The following SDK1 variants were observed in gnomAD, a reference collection of about 807,000 sequenced individuals.
SDK1 encodes sidekick cell adhesion molecule 1, also known as protein sidekick-1.
A neutral mutation model predicts 245.5 loss-of-function variants in SDK1; 157 were observed. The ratio of observed to expected loss-of-function variants is 0.64; its 90% confidence interval spans 0.56 to 0.73. The LOEUF (loss-of-function observed/expected upper bound fraction) is 0.73, where lower values mean the gene tolerates loss of function less well. SDK1 is among the 30% of genes least tolerant of loss of function. SDK1 has a pLI of 0.00. For missense variants in SDK1, 3,583 were observed against 3,002.3 expected (o/e 1.19, Z -4.52); for synonymous variants, 1,647 against 1,278.5 (o/e 1.29, Z -6.15).
chr7:3,380,655 T>G (rs1781463712), intron 1 of SDK1, among the ~76,000 whole-genome samples: 1 of 152,198 alleles, frequency 6.6e-6, no homozygotes, highest in South Asian at 2.1e-4. Context: ...TCAGGTCATG[T>G]AGGGGAGCTA....
intron 2 of SDK1, among the ~76,000 whole-genome samples, chr7:3,632,452 A>G (rs1237170974): frequency 6.6e-6 from 1 of 152,188 alleles, no homozygotes; most frequent in Non-Finnish European, 1.5e-5. Flanking sequence ...ATGGTATGGC[A>G]TCAATAAAAA....
intron 38 of SDK1, among the ~76,000 whole-genome samples, chr7:4,219,365 T>G (rs1785009967): frequency 1.3e-5 from 2 of 152,156 alleles, no homozygotes; most frequent in African/African-American, 4.8e-5. Context: ...GGGTAATTTA[T>G]AAAGGAAAGA....
intron 4 of SDK1, among the ~76,000 whole-genome samples, chr7:3,660,998 T>G (rs775186371): frequency 5.9e-5 from 9 of 152,170 alleles, no homozygotes; most frequent in Non-Finnish European, 8.8e-5. Context: ...TGCTGAGTAA[T>G]TTTTGGTATT....
At chr7:3,766,956 A>T (rs1026262529) in intron 4 of SDK1, among the ~76,000 whole-genome samples, 7 of 152,230 alleles carry the variant, frequency 4.6e-5, no homozygotes, top group African/African-American at 1.7e-4. Context: ...GCAATGTTAT[A>T]TAGAGCATTG....
chr7:3,762,856 C>T (rs1035375977), intron 4 of SDK1, among the ~76,000 whole-genome samples: 5 of 152,186 alleles, frequency 3.3e-5, no homozygotes. Flanking sequence ...TAAAATCACA[C>T]ATTTAAATGA....
chr7:4,008,441 C>G (rs1448123767), intron 14 of SDK1, among the ~76,000 whole-genome samples: 1 of 152,248 alleles, frequency 6.6e-6, no homozygotes, highest in African/African-American at 2.4e-5. Context: ...CAAAGGGGCA[C>G]GAGAGCCTTT....
intron 5 of SDK1, among the ~76,000 whole-genome samples, chr7:3,880,702 G>A (rs1428202449): frequency 6.6e-6 from 1 of 151,988 alleles, no homozygotes; most frequent in Non-Finnish European, 1.5e-5. Flanking sequence ...CATTCCCCAG[G>A]TCGAGGTGGT....
intron 1 of SDK1, among the ~76,000 whole-genome samples, chr7:3,440,473 C>T (rs999970709): frequency 2.3e-4 from 35 of 150,494 alleles, no homozygotes; most frequent in Non-Finnish European, 4.6e-4. Context: ...ACTCAGTTAG[C>T]CCCTCAGGAT....
chr7:3,640,519 A>T (rs1013409490), intron 3 of SDK1, among the ~76,000 whole-genome samples: 1 of 152,242 alleles, frequency 6.6e-6, no homozygotes, highest in African/African-American at 2.4e-5. Flanking sequence ...ATAATTGAGA[A>T]CTTTTATTCA....
At chr7:4,031,530 A>G (rs1406397117) in intron 17 of SDK1, among the ~76,000 whole-genome samples, 1 of 151,432 alleles carries the variant, frequency 6.6e-6, no homozygotes, top group Non-Finnish European at 1.5e-5. Context: ...CCCGATTACT[A>G]AAACATATCA....
intron 1 of SDK1, among the ~76,000 whole-genome samples, chr7:3,316,269 T>C (rs969095485): frequency 6.6e-6 from 1 of 152,214 alleles, no homozygotes; most frequent in African/African-American, 2.4e-5. Flanking sequence ...TAATTCTGTA[T>C]GTTTATGGTA....
intron 1 of SDK1, among the ~76,000 whole-genome samples, chr7:3,422,632 C>T (rs1433201626): frequency 6.6e-6 from 1 of 152,102 alleles, no homozygotes; most frequent in Non-Finnish European, 1.5e-5. Flanking sequence ...ATCACACACA[C>T]CCAGAAAACA....
At chr7:4,169,817 G>A (rs1284960735) in intron 32 of SDK1, among the ~76,000 whole-genome samples, 2 of 152,110 alleles carry the variant, frequency 1.3e-5, no homozygotes, top group East Asian at 1.9e-4. Flanking sequence ...CTGCGGGAGG[G>A]CCCCTGGGCA....
At chr7:3,691,935 C>G (rs963646925) in intron 4 of SDK1, among the ~76,000 whole-genome samples, 4 of 152,074 alleles carry the variant, frequency 2.6e-5, no homozygotes, top group Non-Finnish European at 5.9e-5. Flanking sequence ...TTCACTATGA[C>G]CTTGCTTTTC....
At chr7:3,373,603 G>T (rs1366810689) in intron 1 of SDK1, among the ~76,000 whole-genome samples, 1 of 151,150 alleles carries the variant, frequency 6.6e-6, no homozygotes, top group Non-Finnish European at 1.5e-5. Context: ...TCCCAAATAA[G>T]GTTGTTGGCA....
intron 1 of SDK1, among the ~76,000 whole-genome samples, chr7:3,468,321 GAAAATA>G (rs1781074861): frequency 6.6e-6 from 1 of 152,130 alleles, no homozygotes; most frequent in African/African-American, 2.4e-5. Flanking sequence ...TTGGGACTCA[GAAAATA>G]TCCCAAAATG....
chr7:3,335,636 A>G (rs1780181389), intron 1 of SDK1, among the ~76,000 whole-genome samples: 1 of 152,226 alleles, frequency 6.6e-6, no homozygotes. Context: ...TCTGTAAGAA[A>G]TAGTAGTAAA....
intron 1 of SDK1, among the ~76,000 whole-genome samples, chr7:3,418,536 G>T (rs1332377079): frequency 6.6e-6 from 1 of 151,950 alleles, no homozygotes; most frequent in Non-Finnish European, 1.5e-5. Flanking sequence ...AAAAAAAAAA[G>T]TATTCTTTAA....
intron 14 of SDK1, among the ~76,000 whole-genome samples, chr7:4,002,584 C>T (rs1374711184): frequency 1.3e-5 from 2 of 152,182 alleles, no homozygotes; most frequent in South Asian, 4.1e-4. Context: ...CATTTCAGTT[C>T]CTTCCCATAC....
Sources: allele counts gnomAD v4.1 joint callset (sites outside exome capture counted in the v4.1 genomes callset), GRCh38; gene constraint gnomAD v4.1.1; transcripts MANE v1.5; gene names NCBI Gene and HGNC (gene_info 2026-07-23, HGNC 2026-07-21).